The following ACSL3 variants were observed in gnomAD, a reference collection of about 807,000 sequenced individuals.
ACSL3 encodes fatty acid CoA ligase Acsl3.
Under a neutral mutation model 84.7 loss-of-function variants are expected in ACSL3, and 34 were observed. The ratio of observed to expected loss-of-function variants is 0.40; its 90% CI spans 0.31 to 0.53. The LOEUF (loss-of-function observed/expected upper bound fraction) is 0.53. ACSL3 is among the 20% of genes least tolerant of loss of function. ACSL3 has a pLI of 0.48. For synonymous variants in ACSL3, 315 were observed against 299.4 expected (o/e 1.05, Z -0.54); for missense variants, 680 against 873.1 (o/e 0.78, Z 2.79).
At chr2:222,934,101 A>G (rs529602582) in intron 15 of ACSL3, among the ~76,000 whole-genome samples, 1 of 152,320 alleles carries the variant, frequency 6.6e-6, no homozygotes, top group South Asian at 2.1e-4. Flanking sequence ...AAGAAAAAAA[A>G]GAATATATTC....
intron 4 of ACSL3, among the ~76,000 whole-genome samples, chr2:222,912,661 A>G (rs1217309405): frequency 6.6e-6 from 1 of 152,202 alleles, no homozygotes; most frequent in Non-Finnish European, 1.5e-5. Flanking sequence ...CTTTGTTTCC[A>G]TCTTATCCCA....
chr2:222,921,694 T>C (rs1696744520), intron 8 of ACSL3, among the ~76,000 whole-genome samples: 1 of 152,206 alleles, frequency 6.6e-6, no homozygotes, highest in African/African-American at 2.4e-5. Context: ...TTAATCAGCT[T>C]GTATTTGCTG....
intron 2 of ACSL3, among the ~76,000 whole-genome samples, chr2:222,899,080 C>A (rs1696069293): frequency 1.3e-5 from 2 of 151,910 alleles, no homozygotes; most frequent in South Asian, 4.1e-4. Context: ...CTTTCACCGT[C>A]ATACGATATA....
chr2:222,902,069 G>A (rs988180978), intron 3 of ACSL3, among the ~76,000 whole-genome samples: 14 of 151,152 alleles, frequency 9.3e-5, no homozygotes, highest in East Asian at 1.9e-4. Context: ...AAATACATGC[G>A]TGTAAATATA....
intron 9 of ACSL3, 23 bp downstream of exon 9, chr2:222,922,854 G>A: frequency 6.2e-7 from 1 of 1,612,350 alleles, no homozygotes; most frequent in Non-Finnish European, 8.5e-7. Flanking sequence ...TCTGTGACTT[G>A]AAATACTAAA....
Position 222,921,261 on chromosome 2 carries a change from T to C in ACSL3, c.806-19T>C. 6.3e-7 allele frequency: 1 copy of C among 1,586,684 alleles called. No homozygotes were observed. The highest frequency in any genetic ancestry group is 8.6e-7 in the Non-Finnish European group (1 of 1,158,760). ...AATCTCATGAAAGTGTATGTGTGTGTTTTTTCTCTTCAATGCAGAAAACCA... is the reference window on the plus strand; with the variant it reads ...AATCTCATGAAAGTGTATGTGTGTGCTTTTTCTCTTCAATGCAGAAAACCA... On this transcript the variant is annotated intron_variant, in intron 7 of 16. Coordinates refer to ENST00000357430, the MANE Select transcript of ACSL3 (RefSeq NM_004457.5).
chr2:222,908,682 A>C, intron 3 of ACSL3, 51 bp from the exon 4 acceptor site: 1 of 1,303,234 alleles, frequency 7.7e-7, no homozygotes, highest in Non-Finnish European at 1.1e-6. Flanking sequence ...CTTTTCTTTA[A>C]ATTATTTTAA....
chr2:222,933,916 G>A (rs998226578), intron 15 of ACSL3, among the ~76,000 whole-genome samples: 1 of 152,164 alleles, frequency 6.6e-6, no homozygotes, highest in East Asian at 1.9e-4. Context: ...AATGATTCTG[G>A]TCTTTAGCCA....
chr2:222,882,656 T>C (rs1414154834), intron 1 of ACSL3, among the ~76,000 whole-genome samples: 1 of 151,986 alleles, frequency 6.6e-6, no homozygotes, highest in Non-Finnish European at 1.5e-5. Context: ...GCTCACCTGC[T>C]GTTGCCTACC....
At chr2:222,882,389 T>G (rs1192389331) in intron 1 of ACSL3, among the ~76,000 whole-genome samples, 1 of 152,188 alleles carries the variant, frequency 6.6e-6, no homozygotes, top group East Asian at 1.9e-4. Context: ...TTCTTACTTC[T>G]TTATAACAGC....
chr2:222,925,120 T>A (rs1031455950), intron 11 of ACSL3, among the ~76,000 whole-genome samples: 3 of 151,674 alleles, frequency 2.0e-5, no homozygotes, highest in African/African-American at 7.3e-5. Flanking sequence ...GCAGATCACC[T>A]GAGGTCAGGA....
rs1302725472 is a variant in ACSL3, at chr2:222,941,811, A to T, written c.*157A>T. Reference sequence around the variant, plus strand: ...TTTTAACTGACAGGATTAGTAAAACATTAAGACAGCAAACTTGTGTCTGTC... The same window carrying T: ...TTTTAACTGACAGGATTAGTAAAACTTTAAGACAGCAAACTTGTGTCTGTC... On this transcript the variant is annotated 3_prime_UTR_variant, in exon 17 of 17. Transcript: ENST00000357430. 1.2e-5 allele frequency: 9 copies of T among 742,450 alleles called. 1 individual carries two copies. Among genetic ancestry groups the T allele is most frequent in the Non-Finnish European group, 1.8e-5 (9 of 507,920 alleles). 46.0% of individuals were successfully genotyped at this position (742,450 alleles called of 1,614,324 possible). A position where few individuals can be genotyped will look rare whatever the true frequency, so the allele number is the denominator to read the frequency against.
intron 16 of ACSL3, among the ~76,000 whole-genome samples, chr2:222,939,414 T>C (rs1460650041): frequency 1.3e-5 from 2 of 152,194 alleles, no homozygotes; most frequent in African/African-American, 4.8e-5. Flanking sequence ...TCTGTGATAT[T>C]GTGGCCTCAC....
intron 13 of ACSL3, among the ~76,000 whole-genome samples, chr2:222,929,735 G>A (rs957709967): frequency 3.3e-5 from 5 of 151,864 alleles, no homozygotes; most frequent in South Asian, 2.1e-4. Flanking sequence ...CCAAGATTGC[G>A]CCACTGCACT....
intron 1 of ACSL3, among the ~76,000 whole-genome samples, chr2:222,869,156 C>A (rs1695233258): frequency 1.3e-5 from 2 of 152,062 alleles, no homozygotes; most frequent in South Asian, 2.1e-4. Context: ...AGTATATTAT[C>A]CTATGTCATC....
intron 16 of ACSL3, among the ~76,000 whole-genome samples, chr2:222,938,447 A>T (rs182376566): frequency 1.3e-5 from 2 of 151,770 alleles, no homozygotes; most frequent in East Asian, 1.9e-4. Context: ...TTGGTTGACA[A>T]TTTTTTTTCT....
At chr2:222,900,570 A>G (rs927041240) in intron 2 of ACSL3, 104 bp from the exon 3 acceptor site, 6 of 151,700 alleles carry the variant, frequency 4.0e-5, no homozygotes, top group African/African-American at 1.5e-4. Context: ...CTGACCACCT[A>G]TTTTACTTCT....
intron 1 of ACSL3, among the ~76,000 whole-genome samples, chr2:222,865,352 A>G (rs1488489526): frequency 6.6e-6 from 1 of 152,258 alleles, no homozygotes; most frequent in Non-Finnish European, 1.5e-5. Context: ...AGATACTTAA[A>G]TAACCAACCT....
chr2:222,919,054 G>T lies in ACSL3; in HGVS notation c.667-10G>T. ...AATAATGAACGTGATGAATGTTGGT[G>T]TATTTCTAGGATATAGTTTCTTTGG... On this transcript the variant is annotated splice_polypyrimidine_tract_variant and intron_variant, in intron 6 of 16. Transcript: ENST00000357430. 1 of 1,612,144 alleles carries T rather than the reference G, an allele frequency of 6.2e-7. No individual in the cohort carries two copies. The highest frequency in any genetic ancestry group is 8.5e-7 in the Non-Finnish European group (1 of 1,179,016).
Sources: gnomAD v4.1 joint callset for allele counts (sites outside exome capture counted in the v4.1 genomes callset) on GRCh38, gnomAD v4.1.1 for gene constraint, MANE v1.5 for transcripts, NCBI Gene and HGNC (gene_info 2026-07-23, HGNC 2026-07-21) for gene names.